Variants in AHCYL2 observed in about 807,000 individuals in gnomAD.
AHCYL2 encodes the protein adenosylhomocysteinase like 2.
Under a neutral mutation model 81.4 loss-of-function variants are expected in AHCYL2, and 28 were observed. The observed-to-expected ratio is 0.34, with a 90% CI of 0.25 to 0.47. AHCYL2 has a LOEUF of 0.47. Ranked by LOEUF, AHCYL2 falls within the 20% of genes least tolerant of loss-of-function variation. The pLI is 1.00. For missense variants in AHCYL2, 551 were observed against 785.1 expected, an observed-to-expected ratio of 0.70 and a Z score of 3.56; for synonymous variants, 272 against 290.2, an observed-to-expected ratio of 0.94 and a Z score of 0.64.
intron 1 of AHCYL2, among the ~76,000 whole-genome samples, chr7:129,318,341 C>T (rs1342385164): frequency 2.0e-5 from 3 of 152,284 alleles, no homozygotes; most frequent in East Asian, 1.9e-4. Flanking sequence ...GTGATCCTTC[C>T]GCCTCATGCT....
intron 1 of AHCYL2, among the ~76,000 whole-genome samples, chr7:129,288,363 A>C: frequency 6.6e-6 from 1 of 151,956 alleles, no homozygotes; most frequent in East Asian, 1.9e-4. Context: ...ATTTTAATTT[A>C]ATTTTATTTT....
At chr7:129,425,244 G>C (rs1797307879) in intron 15 of AHCYL2, 103 bp downstream of exon 15, 2 of 961,110 alleles carry the variant, frequency 2.1e-6, no homozygotes, top group Non-Finnish European at 3.2e-6. Context: ...GGGGAAAAAA[G>C]GTACCTTCAT....
chr7:129,349,743 TA>T (rs1793491459), intron 1 of AHCYL2, among the ~76,000 whole-genome samples: 1 of 151,334 alleles, frequency 6.6e-6, no homozygotes, highest in South Asian at 2.1e-4. Context: ...GCTACCTTAC[TA>T]AAGAGATAGG....
intron 1 of AHCYL2, among the ~76,000 whole-genome samples, chr7:129,351,334 T>G (rs1793556836): frequency 6.6e-6 from 1 of 152,198 alleles, no homozygotes; most frequent in African/African-American, 2.4e-5. Context: ...AAAACACTTT[T>G]ATTTATACTG....
At position 129,419,848 on chromosome 7, in the gene AHCYL2, G is replaced by C. The variant is rs1797032049; in HGVS notation, c.1462-2992G>C. On this transcript the variant is annotated intron_variant, in intron 12 of 16. Coordinates refer to ENST00000325006, the MANE Select transcript of AHCYL2 (RefSeq NM_015328.4). This position sits in a 1 kb window ranked among gnomAD's most constrained non-coding sequence, Gnocchi z 4.7. The stretch of plus-strand genomic sequence containing the variant: ...GTGGGATGTACACCTGGTTTGGGAA[G>C]GTAGTCTGCACAGGAATCCCTTTTC... Among the ~76,000 whole-genome samples, 1 of 152,148 alleles carries C rather than the reference G, an allele frequency of 6.6e-6. No homozygotes were observed. Among genetic ancestry groups the C allele is most frequent in the Admixed American group, 6.5e-5 (1 of 15,268 alleles).
At chr7:129,317,010 C>G (rs961907842) in intron 1 of AHCYL2, among the ~76,000 whole-genome samples, 5 of 152,140 alleles carry the variant, frequency 3.3e-5, no homozygotes, top group African/African-American at 1.2e-4. Context: ...GCTATATTGT[C>G]TTCATTGCGG....
chr7:129,244,560 A>T (rs1794981963), intron 1 of AHCYL2, among the ~76,000 whole-genome samples: 1 of 152,158 alleles, frequency 6.6e-6, no homozygotes, highest in African/African-American at 2.4e-5. Context: ...CATAGATGAC[A>T]GTCTTTTTGC....
At chr7:129,411,216 C>G (rs928992874) in intron 11 of AHCYL2, among the ~76,000 whole-genome samples, 1 of 152,168 alleles carries the variant, frequency 6.6e-6, no homozygotes, top group Non-Finnish European at 1.5e-5. Flanking sequence ...TTGTAATTCA[C>G]ATTGTAATGT....
At chr7:129,320,827 T>C (rs1797989737) in intron 1 of AHCYL2, among the ~76,000 whole-genome samples, 1 of 152,174 alleles carries the variant, frequency 6.6e-6, no homozygotes, top group South Asian at 2.1e-4. Context: ...CTACTTTCTG[T>C]CTCTCGATTT....
At chr7:129,397,089 T>C in intron 4 of AHCYL2, 133 bp from the exon 5 acceptor site, 2 of 702,486 alleles carry the variant, frequency 2.8e-6, no homozygotes, top group Non-Finnish European at 4.6e-6. Context: ...AGAGGTTCTG[T>C]AGAGCCCAAT....
chr7:129,333,556 G>C (rs1363980114), intron 1 of AHCYL2, among the ~76,000 whole-genome samples: 1 of 152,146 alleles, frequency 6.6e-6, no homozygotes, highest in East Asian at 1.9e-4. Flanking sequence ...AGGGGTAGTA[G>C]AGGTAATACG....
intron 1 of AHCYL2, among the ~76,000 whole-genome samples, chr7:129,329,534 A>G (rs1199148301): frequency 6.6e-6 from 1 of 152,204 alleles, no homozygotes; most frequent in Non-Finnish European, 1.5e-5. Context: ...TGTAGAGATT[A>G]TGTTAATCAT....
chr7:129,302,192 A>T (rs1008350380), intron 1 of AHCYL2, among the ~76,000 whole-genome samples: 16 of 152,140 alleles, frequency 1.1e-4, no homozygotes, highest in African/African-American at 3.9e-4. Context: ...TGCTGTTGGT[A>T]TATAGAAATG....
At chr7:129,284,893 C>T (rs1035920414) in intron 1 of AHCYL2, among the ~76,000 whole-genome samples, 2 of 151,998 alleles carry the variant, frequency 1.3e-5, no homozygotes, top group South Asian at 4.1e-4. Flanking sequence ...CTAGAATAAT[C>T]CAAGTTTTAT....
At position 129,317,540 on chromosome 7, in the gene AHCYL2, A is replaced by T. The variant is rs1035122480; in HGVS notation, c.364-62098A>T. Among the ~76,000 whole-genome samples the T allele has an allele frequency of 2.1e-4, 32 of 152,320 alleles. 1 individual carries two copies. The highest frequency in any genetic ancestry group is 6.7e-4 in the African/African-American group (28 of 41,584). ...CAGCATAGTTGAGAAAATCCCAGCC[A>T]TGCAGATGTAGAGTCCCCAGGCAAA... On this transcript the variant is annotated intron_variant, in intron 1 of 16. Coordinates refer to ENST00000325006, the MANE Select transcript of AHCYL2 (RefSeq NM_015328.4).
intron 13 of AHCYL2, among the ~76,000 whole-genome samples, chr7:129,424,070 AG>A (rs1024533888): frequency 1.3e-5 from 2 of 152,130 alleles, no homozygotes; most frequent in Admixed American, 6.5e-5. Flanking sequence ...GAAACAAAAT[AG>A]GAAAGGGTGG....
At chr7:129,358,346 C>T (rs1167225237) in intron 1 of AHCYL2, among the ~76,000 whole-genome samples, 1 of 151,774 alleles carries the variant, frequency 6.6e-6, no homozygotes, top group Non-Finnish European at 1.5e-5. Context: ...GAGCAGAGAT[C>T]GCGCCACTGC....
intron 1 of AHCYL2, among the ~76,000 whole-genome samples, chr7:129,323,979 T>G (rs1798127237): frequency 6.6e-6 from 1 of 151,424 alleles, no homozygotes; most frequent in Non-Finnish European, 1.5e-5. Context: ...CAAGAGATTC[T>G]CCTGCCTCAG....
rs551082051 is a variant in AHCYL2 at position 129,321,839 on chromosome 7, G to A, written c.364-57799G>A. ...TGCCCAGGCTGGAGTGCAGTGGCACGATCTCGGCTCACCTTAACCTCCACC... is the reference window on the plus strand; with the variant it reads ...TGCCCAGGCTGGAGTGCAGTGGCACAATCTCGGCTCACCTTAACCTCCACC... On this transcript the variant is annotated intron_variant, in intron 1 of 16. Transcript: ENST00000325006. Among the ~76,000 whole-genome samples the A allele has an allele frequency of 3.5e-5, 5 of 144,204 alleles. No individual in the cohort carries two copies. The East Asian group carries it at 8.6e-4, about 25-fold the overall frequency. The allele number at this position is 144,204 out of a possible 152,430, so 94.6% of individuals were successfully genotyped here.
Sources: gnomAD v4.1 joint callset for allele counts (sites outside exome capture counted in the v4.1 genomes callset) on GRCh38, gnomAD v4.1.1 for gene constraint, Gnocchi (gnomAD v3.1) non-coding constraint, MANE v1.5 for transcripts, NCBI Gene and HGNC (gene_info 2026-07-23, HGNC 2026-07-21) for gene names.